The following EPHA5 variants were observed in gnomAD, a reference collection of about 807,000 sequenced individuals.
EPHA5 encodes EPH receptor A5.
In EPHA5, 60 loss-of-function variants were observed where a neutral mutation model predicts 105.0. The observed-to-expected ratio is 0.57, with a 90% CI of 0.46 to 0.71. The LOEUF (loss-of-function observed/expected upper bound fraction) is 0.71, where lower values mean the gene tolerates loss of function less well. Among genes scored for constraint, EPHA5 ranks in the 30% least tolerant of loss-of-function variants. The pLI, the probability that EPHA5 is intolerant of heterozygous loss-of-function variation, is 0.00. For synonymous variants in EPHA5, 513 were observed against 449.1 expected (o/e 1.14, Z -1.80); for missense variants, 1,218 against 1,274.7 (o/e 0.96, Z 0.68).
chr4:65,627,232 T>A (rs991251490), intron 2 of EPHA5, among the ~76,000 whole-genome samples: 1 of 152,206 alleles, frequency 6.6e-6, no homozygotes, highest in Non-Finnish European at 1.5e-5. Flanking sequence ...AATTAAAATG[T>A]TTCCTAAACT....
At chr4:65,663,935 TA>T (rs1208119748) in intron 1 of EPHA5, among the ~76,000 whole-genome samples, 2 of 151,990 alleles carry the variant, frequency 1.3e-5, no homozygotes, top group Non-Finnish European at 2.9e-5. Flanking sequence ...TCTATTTTTG[TA>T]AAAGCTTCTT....
intron 3 of EPHA5, among the ~76,000 whole-genome samples, chr4:65,522,732 A>G (rs953756833): frequency 6.6e-6 from 1 of 151,934 alleles, no homozygotes; most frequent in African/African-American, 2.4e-5. Context: ...ATATCACCCC[A>G]TCGTCATCTA....
At chr4:65,522,991 T>C (rs1032348759) in intron 3 of EPHA5, among the ~76,000 whole-genome samples, 8 of 151,902 alleles carry the variant, frequency 5.3e-5, no homozygotes, top group African/African-American at 1.7e-4. Context: ...TGGTGAAAGG[T>C]ACAAAGAAAA....
At position 65,353,503 on chromosome 4, in the gene EPHA5, T is replaced by TACACAC. The variant is rs66462845; in HGVS notation, c.2174-406_2174-401dup. The stretch of plus-strand genomic sequence containing the variant: ...TAATAACAGACTGATATTTAAGATT[T>TACACAC]ACACACACACACACACACACACACA... On this transcript the variant is annotated intron_variant, in intron 11 of 16. Coordinates refer to ENST00000613740, the MANE Select transcript of EPHA5 (RefSeq NM_001281766.3). Among the ~76,000 whole-genome samples, 61 of 146,360 alleles carry TACACAC rather than the reference T, an allele frequency of 4.2e-4. 1 individual carries two copies. Among genetic ancestry groups the TACACAC allele is most frequent in the African/African-American group, 1.5e-3 (60 of 40,082 alleles).
chr4:65,667,228 C>T (rs1309619909), intron 1 of EPHA5, among the ~76,000 whole-genome samples: 1 of 152,010 alleles, frequency 6.6e-6, no homozygotes, highest in Non-Finnish European at 1.5e-5. Flanking sequence ...CTCTGCTGCT[C>T]AATTTATAGC....
chr4:65,584,939 A>G (rs991488419), intron 3 of EPHA5, among the ~76,000 whole-genome samples: 2 of 151,976 alleles, frequency 1.3e-5, no homozygotes, highest in Admixed American at 6.6e-5. Flanking sequence ...AGAAAAAATT[A>G]GGAGAGAGGA....
At chr4:65,657,961 T>C (rs1434972588) in intron 1 of EPHA5, among the ~76,000 whole-genome samples, 2 of 151,658 alleles carry the variant, frequency 1.3e-5, no homozygotes, top group African/African-American at 4.8e-5. Flanking sequence ...ACTTGCTTTC[T>C]TTAGAAAATC....
At chr4:65,509,844 T>G (rs1186368679) in intron 3 of EPHA5, among the ~76,000 whole-genome samples, 1 of 152,090 alleles carries the variant, frequency 6.6e-6, no homozygotes, top group African/African-American at 2.4e-5. Flanking sequence ...ATGAAGTGAA[T>G]AGTAAATTTC....
At chr4:65,520,610 AT>A (rs1734598533) in intron 3 of EPHA5, among the ~76,000 whole-genome samples, 1 of 152,232 alleles carries the variant, frequency 6.6e-6, no homozygotes, top group African/African-American at 2.4e-5. Context: ...ATGGGAGAAA[AT>A]TTTTGCAATC....
intron 1 of EPHA5, among the ~76,000 whole-genome samples, chr4:65,647,624 C>T (rs1748238309): frequency 6.6e-6 from 1 of 151,918 alleles, no homozygotes; most frequent in African/African-American, 2.4e-5. Flanking sequence ...TGTTTGATGC[C>T]ACAGTTACTC....
At chr4:65,404,551 TAGAC>T (rs1722175427) in intron 7 of EPHA5, 72 bp from the exon 8 acceptor site, 3 of 1,305,374 alleles carry the variant, frequency 2.3e-6, no homozygotes, top group East Asian at 2.4e-5. Flanking sequence ...AGTTGCTTAA[TAGAC>T]AGTAATCAAT....
intron 14 of EPHA5, among the ~76,000 whole-genome samples, chr4:65,344,180 A>T (rs886298789): frequency 8.5e-5 from 13 of 152,132 alleles, no homozygotes; most frequent in African/African-American, 2.9e-4. Context: ...GGCCAATGAG[A>T]TTTTAGCAGA....
intron 3 of EPHA5, 67 bp from the exon 4 acceptor site, chr4:65,495,610 G>A (rs2149227221): frequency 1.4e-6 from 2 of 1,380,406 alleles, no homozygotes; most frequent in East Asian, 2.4e-5. Context: ...TGTGAATAAT[G>A]TCATTATTTT....
intron 5 of EPHA5, among the ~76,000 whole-genome samples, chr4:65,479,786 G>GA (rs1463871637): frequency 8.6e-5 from 13 of 151,848 alleles, no homozygotes; most frequent in East Asian, 1.9e-4. Context: ...TGATTATGTA[G>GA]AAAAAATTAT....
intron 2 of EPHA5, among the ~76,000 whole-genome samples, chr4:65,619,933 A>G (rs953477747): frequency 2.0e-5 from 3 of 151,206 alleles, no homozygotes; most frequent in African/African-American, 7.3e-5. Context: ...TGATAATAAT[A>G]TTATAAAGTT....
chr4:65,467,145 CA>C (rs1317572422), intron 5 of EPHA5, among the ~76,000 whole-genome samples: 1 of 152,072 alleles, frequency 6.6e-6, no homozygotes, highest in Non-Finnish European at 1.5e-5. Flanking sequence ...AACCAAAGTA[CA>C]AAGAGATTAC....
At chr4:65,328,851 G>T (rs1164023274) in intron 16 of EPHA5, among the ~76,000 whole-genome samples, 1 of 151,064 alleles carries the variant, frequency 6.6e-6, no homozygotes, top group African/African-American at 2.4e-5. Flanking sequence ...CATGCATAAT[G>T]ATTTATTGAT....
chr4:65,660,727 C>T (rs1749486249), intron 1 of EPHA5, among the ~76,000 whole-genome samples: 1 of 152,048 alleles, frequency 6.6e-6, no homozygotes, highest in Non-Finnish European at 1.5e-5. Context: ...TACATCTCCC[C>T]ATTCTGAGCT....
At chr4:65,366,181 C>A in intron 9 of EPHA5, 124 bp from the exon 10 acceptor site, 1 of 796,174 alleles carries the variant, frequency 1.3e-6, no homozygotes, top group South Asian at 2.4e-5. Context: ...CTGCAAGGAC[C>A]AGCCCTCTCC....
Sources: gnomAD v4.1 joint callset for allele counts (sites outside exome capture counted in the v4.1 genomes callset) on GRCh38, gnomAD v4.1.1 for gene constraint, MANE v1.5 for transcripts, NCBI Gene and HGNC (gene_info 2026-07-23, HGNC 2026-07-21) for gene names.